Variants in NLRX1 observed in about 807,000 individuals in gnomAD.
NLRX1 encodes the protein NOD-like receptor X1.
In NLRX1, 67 loss-of-function variants were observed where a neutral mutation model predicts 74.2. The observed-to-expected ratio is 0.90, with a 90% CI of 0.74 to 1.11. NLRX1 has a LOEUF of 1.11. Ranked by LOEUF, NLRX1 falls within the 50% of genes least tolerant of loss-of-function variation. The pLI is 0.00. For synonymous variants in NLRX1, 506 were observed against 559.1 expected (o/e 0.91, Z 1.34); for missense variants, 1,191 against 1,305.4 (o/e 0.91, Z 1.35).
At chr11:119,180,764 G>A (rs996034939) in intron 7 of NLRX1, among the ~76,000 whole-genome samples, 3 of 151,824 alleles carry the variant, frequency 2.0e-5, no homozygotes, top group Non-Finnish European at 4.4e-5. Context: ...GGAGGAGCCA[G>A]GCATGGTGGC....
intron 9 of NLRX1, among the ~76,000 whole-genome samples, chr11:119,182,754 G>T (rs939731379): frequency 1.3e-5 from 2 of 151,958 alleles, no homozygotes; most frequent in African/African-American, 2.4e-5. Context: ...GGGTGTGGTG[G>T]TGCGCACCTG....
In NLRX1 at chr11:119,173,557, C is replaced by A. The variant is rs143397941; in HGVS notation, c.308C>A (p.Thr103Asn). 6.2e-7 allele frequency: 1 copy of A among 1,614,158 alleles called. No individual in the cohort carries two copies. The highest frequency in any genetic ancestry group is 8.5e-7 in the Non-Finnish European group (1 of 1,180,038). Residue 103 changes from threonine to asparagine, a missense_variant, in exon 5 of 10, where the codon ACC becomes AAC. Coordinates refer to ENST00000409109, the MANE Select transcript of NLRX1 (RefSeq NM_001282144.2). This position sits in a 1 kb window ranked among gnomAD's most constrained non-coding sequence, Gnocchi z 4.0. ...AGGGAGGAGCGCCAGTTTGGCCCAA[C>A]CTTTGCCCTAGACACGGTCCACGTT... ...LPREERQFGP[T>N]FALDTVHVDP...
chr11:119,171,704 G>A (rs1948553843), intron 2 of NLRX1, among the ~76,000 whole-genome samples: 1 of 152,052 alleles, frequency 6.6e-6, no homozygotes. Context: ...TGTAATCCTA[G>A]CACTTTGGAA....
intron 5 of NLRX1, 75 bp downstream of exon 5, chr11:119,174,173 C>T: frequency 6.5e-7 from 1 of 1,538,004 alleles, no homozygotes; most frequent in South Asian, 1.2e-5. Flanking sequence ...ACTTTAACTC[C>T]TGGTCCCTTC....
At chr11:119,172,551 G>T (rs942715727) in intron 3 of NLRX1, 126 bp downstream of exon 3, 1 of 722,620 alleles carries the variant, frequency 1.4e-6, no homozygotes, top group Non-Finnish European at 2.4e-6. Context: ...TTTGGGGGTG[G>T]GAGGACAGTG....
Position 119,175,182 on chromosome 11 carries a change from G to A in NLRX1, c.1579G>A (p.Gly527Ser). ...GGGCAAGGAAGTGGCTGAGCTCGTG[G>A]GCCGTGTTGGGGAGGACGTCAGCCT... The part of the protein sequence containing the change: ...KVGKEVAELV[G>S]RVGEDVSLVL... The change falls in exon 6 of 10, where the codon GGC (glycine) becomes AGC (serine). Residue 527 changes from glycine to serine, a missense_variant. Physicochemically the swap from Gly to Ser is moderately conservative, Grantham distance 56 (BLOSUM62 0). Transcript: ENST00000409109. 1 of 1,614,170 alleles carries A rather than the reference G, an allele frequency of 6.2e-7. No individual in the cohort carries two copies. Among genetic ancestry groups the A allele is most frequent in the Non-Finnish European group, 8.5e-7 (1 of 1,180,024 alleles).
chr11:119,175,515 G>C (rs1948682595), intron 6 of NLRX1, among the ~76,000 whole-genome samples: 1 of 152,222 alleles, frequency 6.6e-6, no homozygotes, highest in Non-Finnish European at 1.5e-5. Flanking sequence ...GGCTGGGGAA[G>C]GGAACCTGGG....
Position 119,175,110 on chromosome 11 carries a change from G to A in NLRX1, c.1507G>A (p.Ala503Thr), listed in dbSNP as rs778775774. The change falls in exon 6 of 10, where the codon GCC becomes ACC. Residue 503 changes from alanine (A) to threonine (T), a missense_variant. Transcript: ENST00000409109. ...TVPAMQEYLAALYIVLGLRKT... is the reference protein window; with the variant it reads ...TVPAMQEYLATLYIVLGLRKT... Reference sequence around the variant, plus strand: ...GCCCGCCATGCAGGAATACCTGGCTGCCCTCTACATTGTGCTGGGTTTGCG... The same window carrying A: ...GCCCGCCATGCAGGAATACCTGGCTACCCTCTACATTGTGCTGGGTTTGCG... The A allele has an allele frequency of 9.3e-6, 15 of 1,614,086 alleles. No homozygotes were observed. In the South Asian group the frequency reaches 1.5e-4, roughly 17 times the overall value.
Position 119,174,071 on chromosome 11 carries a change from C to A in NLRX1, c.822C>A (p.Asn274Lys), listed in dbSNP as rs1180534524. ...EPQEPAAIIV[N>K]LLRKYMLPQA... is the part of the protein sequence containing the mutation. ...AGGAACCAGCTGCTATCATCGTCAA[C>A]CTGCTGCGCAAATACATGCTGCCTC... is the stretch of plus-strand genomic sequence containing the variant. Residue 274 changes from asparagine to lysine, a missense_variant, in exon 5 of 10, where the codon AAC becomes AAA. Asn to Lys is a moderately conservative substitution (Grantham distance 94). Coordinates refer to ENST00000409109, the MANE Select transcript of NLRX1 (RefSeq NM_001282144.2). The A allele has an allele frequency of 1.2e-6, 2 of 1,614,144 alleles. No individual in the cohort carries two copies. Among genetic ancestry groups the A allele is most frequent in the Non-Finnish European group, 8.5e-7 (1 of 1,179,996 alleles).
chr11:119,173,488 A>G lies in NLRX1; in HGVS notation c.239A>G (p.Gln80Arg). The part of the protein sequence containing the change: ...FPSASATEAI[Q>R]RHRRNLAEWF... ...TTATCTTCCCACTCAGAAGCTATAC[A>G]GCGGCACCGCCGGAACCTGGCTGAG... is the stretch of plus-strand genomic sequence containing the variant. Residue 80 changes from glutamine (Q) to arginine (R), a missense_variant, in exon 5 of 10, where the codon CAG (glutamine) becomes CGG (arginine). Physicochemically the swap from Gln to Arg is conservative, Grantham distance 43. Transcript: ENST00000409109. The surrounding 1 kb of genome is among the most constrained non-coding windows in gnomAD (Gnocchi z 4.0). 6.2e-7 allele frequency: 1 copy of G among 1,613,322 alleles called. No individual in the cohort carries two copies.
Position 119,179,781 on chromosome 11 carries a change from A to C in NLRX1, c.1760A>C (p.Asp587Ala), listed in dbSNP as rs1440677343. Residue 587 changes from aspartate (D) to alanine (A), a missense_variant, in exon 7 of 10, where the codon GAC (aspartate) becomes GCC (alanine). Asp to Ala is a moderately radical substitution (Grantham distance 126, BLOSUM62 -2). Coordinates refer to ENST00000409109, the MANE Select transcript of NLRX1 (RefSeq NM_001282144.2). ...AMVLEMFREEDYYNDDVLDQM... is the reference protein window; with the variant it reads ...AMVLEMFREEAYYNDDVLDQM... ...GTGCTGGAGATGTTTCGAGAGGAGG[A>C]CTACTACAACGATGATGTTCTGGAC... 3.7e-6 allele frequency: 6 copies of C among 1,613,960 alleles called. No homozygotes were observed. The African/African-American group carries it at 6.7e-5, about 18-fold the overall frequency.
In NLRX1 at chr11:119,172,983, G is replaced by T; in HGVS notation, c.223G>T (p.Ala75Ser). ...RHGRLFPSAS[A>S]TEAIQRHRRN... is the part of the protein sequence containing the mutation. ...TGGACGGCTGTTCCCCAGCGCCTCT[G>T]CAACTGGTAAAGGGACTGGCTGGGA... is the stretch of plus-strand genomic sequence containing the variant. Residue 75 changes from alanine (A) to serine (S), a missense_variant, in exon 4 of 10, where the codon GCA becomes TCA. Transcript: ENST00000409109. 6.2e-7 allele frequency: 1 copy of T among 1,613,224 alleles called. No individual in the cohort carries two copies. Among genetic ancestry groups the T allele is most frequent in the Non-Finnish European group, 8.5e-7 (1 of 1,179,424 alleles).
chr11:119,173,880 TC>T lies in NLRX1; in HGVS notation c.634del (p.Leu212CysfsTer12). On this transcript the variant is annotated frameshift_variant, in exon 5 of 10. Transcript: ENST00000409109. LOFTEE classifies it high-confidence loss of function. This position sits in a 1 kb window ranked among gnomAD's most constrained non-coding sequence, Gnocchi z 4.0. ...DLSSLGPAPA[S>X]LCQLVAQRYT... ...GTCATCCCTGGGCCCTGCCCCAGCC[TC>T]CCTGTGCCAACTTGTGGCCCAGCGC... 2 of 1,613,508 alleles carry T rather than the reference TC, an allele frequency of 1.2e-6. No homozygotes were observed. Among genetic ancestry groups the T allele is most frequent in the Non-Finnish European group, 1.7e-6 (2 of 1,180,018 alleles).
chr11:119,171,293 A>C, intron 1 of NLRX1, 63 bp from the exon 2 acceptor site: 4 of 1,138,132 alleles, frequency 3.5e-6, no homozygotes, highest in Non-Finnish European at 4.9e-6. Flanking sequence ...CTTGGCTGGA[A>C]TGGGGTTAGG....
rs1183967576 is a variant in NLRX1 at position 119,174,110 on chromosome 11, TTTAC to T, written c.849+13_849+16del. 3 of 1,611,720 alleles carry T rather than the reference TTTAC, an allele frequency of 1.9e-6. No homozygotes were observed. The African/African-American group carries it at 4.0e-5, about 22-fold the overall frequency. On this transcript the variant is annotated intron_variant, in intron 5 of 9. Transcript: ENST00000409109. ...ACATGCTGCCTCAGGTGGGTGGCCC[TTTAC>T]CCCAGGTTATCACTGCTGCCCGTTG... is the stretch of plus-strand genomic sequence containing the variant.
In NLRX1 at chr11:119,176,494, G is replaced by C. The variant is rs370620232; in HGVS notation, c.1671+1220G>C. Among the ~76,000 whole-genome samples the C allele has an allele frequency of 3.2e-4, 49 of 152,236 alleles. 1 individual carries two copies. In the East Asian group the frequency reaches 6.0e-3, roughly 19 times the overall value. ...AGCACTTTGAGAGGCGAGGCAGGTA[G>C]ATCACCTGAGGTCAGGAGTTTGAGA... On this transcript the variant is annotated intron_variant, in intron 6 of 9. Transcript: ENST00000409109.
Position 119,182,225 on chromosome 11 carries a change from C to T in NLRX1, c.2486C>T (p.Ala829Val), listed in dbSNP as rs1423738365. ...LGDEGLELLA[A>V]QLDRNRQLQE... ...GACGAAGGCCTGGAGCTGCTGGCTG[C>T]CCAGCTGGACCGCAACCGGCAGCTG... Residue 829 changes from alanine to valine, a missense_variant, in exon 9 of 10, where the codon GCC (alanine) becomes GTC (valine). Coordinates refer to ENST00000409109, the MANE Select transcript of NLRX1 (RefSeq NM_001282144.2). The T allele has an allele frequency of 5.6e-6, 9 of 1,613,784 alleles. No homozygotes were observed. Among genetic ancestry groups the T allele is most frequent in the Non-Finnish European group, 7.6e-6 (9 of 1,180,028 alleles).
rs1284006068 is a variant in NLRX1, at chr11:119,182,099, C to T, written c.2360C>T (p.Ser787Phe). The stretch of plus-strand genomic sequence containing the variant: ...TGGGTTGCACGTGGCTGTAGGCTGT[C>T]CAACAACCCGCTGACGGCGGCAGGT... ...DQCQITTLRL[S>F]NNPLTAAGVA... The change falls in exon 9 of 10, where the codon TCC becomes TTC. Residue 787 changes from serine (S) to phenylalanine (F), a missense_variant. Physicochemically the swap from Ser to Phe is radical, Grantham distance 155. Transcript: ENST00000409109. The T allele has an allele frequency of 3.1e-6, 5 of 1,614,062 alleles. No homozygotes were observed. Among genetic ancestry groups the T allele is most frequent in the Non-Finnish European group, 4.2e-6 (5 of 1,179,976 alleles).
chr11:119,177,750 G>A (rs2135179074), intron 6 of NLRX1: 1 of 152,310 alleles, frequency 6.6e-6, no homozygotes, highest in African/African-American at 2.4e-5. Context: ...CCTTGAGGAT[G>A]TGCCTGCCGG....
Sources: allele counts gnomAD v4.1 joint callset (sites outside exome capture counted in the v4.1 genomes callset), GRCh38; gene constraint gnomAD v4.1.1; non-coding constraint Gnocchi (gnomAD v3.1); transcripts MANE v1.5; gene names NCBI Gene and HGNC (gene_info 2026-07-23, HGNC 2026-07-21).